CAMTA1: variants seen among roughly 807,000 people sequenced by gnomAD.
CAMTA1 encodes calmodulin-binding transcription activator 1.
Under a neutral mutation model 170.9 loss-of-function variants are expected in CAMTA1, and 27 were observed. That is an observed-to-expected ratio of 0.16 (90% CI 0.12 to 0.22). CAMTA1 has a LOEUF of 0.22. CAMTA1 is among the 10% of genes least tolerant of loss of function. The pLI is 1.00. For missense variants in CAMTA1, 1,619 were observed against 2,217.2 expected, an observed-to-expected ratio of 0.73 and a Z score of 5.42; for synonymous variants, 833 against 891.5, an observed-to-expected ratio of 0.93 and a Z score of 1.17.
chr1:7,602,066 C>G (rs1447473608), intron 6 of CAMTA1, among the ~76,000 whole-genome samples: 1 of 134,168 alleles, frequency 7.5e-6, no homozygotes, highest in Admixed American at 7.1e-5. Flanking sequence ...AGAGGAGGAG[C>G]CTTTCCAATT....
At chr1:6,787,824 T>C (rs1431361274) in intron 1 of CAMTA1, among the ~76,000 whole-genome samples, 1 of 152,218 alleles carries the variant, frequency 6.6e-6, no homozygotes, top group Non-Finnish European at 1.5e-5. Flanking sequence ...GTGGTATTCG[T>C]TGCTTGATTC....
intron 11 of CAMTA1, among the ~76,000 whole-genome samples, chr1:7,725,214 T>C (rs1465388662): frequency 6.6e-6 from 1 of 152,212 alleles, no homozygotes; most frequent in African/African-American, 2.4e-5. Context: ...TGAAGGTGAA[T>C]GTATCCTTCC....
At chr1:7,079,579 C>G (rs1639748129) in intron 3 of CAMTA1, among the ~76,000 whole-genome samples, 2 of 152,058 alleles carry the variant, frequency 1.3e-5, no homozygotes, top group African/African-American at 4.8e-5. Context: ...TCAAGCGATT[C>G]TTGTGCCTCA....
At chr1:7,594,241 G>GGAAGGA (rs1553214864) in intron 6 of CAMTA1, among the ~76,000 whole-genome samples, 1 of 145,498 alleles carries the variant, frequency 6.9e-6, no homozygotes, top group Non-Finnish European at 1.5e-5. Context: ...AAGGAAGGAA[G>GGAAGGA]AAAGAAAAGA....
At chr1:7,595,954 G>A (rs1482708463) in intron 6 of CAMTA1, among the ~76,000 whole-genome samples, 1 of 152,180 alleles carries the variant, frequency 6.6e-6, no homozygotes, top group African/African-American at 2.4e-5. Flanking sequence ...ATGAGATTAG[G>A]GGCCTGACAC....
intron 1 of CAMTA1, among the ~76,000 whole-genome samples, chr1:6,803,026 G>C (rs1454490279): frequency 6.6e-6 from 1 of 152,232 alleles, no homozygotes; most frequent in African/African-American, 2.4e-5. Context: ...TGGGATTACA[G>C]GCGTGAGCCA....
intron 6 of CAMTA1, among the ~76,000 whole-genome samples, chr1:7,522,276 A>G (rs1281711045): frequency 2.0e-5 from 3 of 152,218 alleles, no homozygotes; most frequent in South Asian, 4.1e-4. Flanking sequence ...AGGTGCTTAC[A>G]TGCCATCTGT....
At chr1:7,452,677 A>G (rs1725252) in intron 5 of CAMTA1, among the ~76,000 whole-genome samples, 94,105 of 152,024 alleles carry the variant, frequency 0.62, 29,375 homozygotes, top group East Asian at 0.79. Context: ...AGGTTCATCC[A>G]TGTTGTGGCG....
At chr1:6,983,616 T>C (rs982627535) in intron 3 of CAMTA1, among the ~76,000 whole-genome samples, 6 of 152,246 alleles carry the variant, frequency 3.9e-5, no homozygotes, top group Non-Finnish European at 7.3e-5. Context: ...CTATAACTAA[T>C]TTGTTTACTT....
chr1:7,328,165 C>A (rs538382905), intron 5 of CAMTA1, among the ~76,000 whole-genome samples: 1 of 152,278 alleles, frequency 6.6e-6, no homozygotes, highest in East Asian at 1.9e-4. Context: ...GGGCTTCCTT[C>A]TCGAATTTGG....
intron 3 of CAMTA1, among the ~76,000 whole-genome samples, chr1:6,996,763 T>C (rs1313266116): frequency 1.3e-5 from 2 of 152,186 alleles, no homozygotes; most frequent in African/African-American, 4.8e-5. Context: ...TTCCCTTCTT[T>C]CTACTGTCCA....
At chr1:6,896,912 G>C (rs1412988564) in intron 3 of CAMTA1, among the ~76,000 whole-genome samples, 2 of 152,162 alleles carry the variant, frequency 1.3e-5, no homozygotes, top group African/African-American at 4.8e-5. Flanking sequence ...CTTTATCAGG[G>C]CATTATTACA....
intron 10 of CAMTA1, 106 bp from the exon 11 acceptor site, chr1:7,677,493 T>C: frequency 7.9e-7 from 1 of 1,272,216 alleles, no homozygotes; most frequent in African/African-American, 1.5e-5. Flanking sequence ...AGCTGGACAT[T>C]AACCAATGAA....
chr1:7,435,221 G>A lies in CAMTA1; in HGVS notation c.439-32609G>A, dbSNP rs1431491183. Among the ~76,000 whole-genome samples, 1 of 152,146 alleles carries A rather than the reference G, an allele frequency of 6.6e-6. No homozygotes were observed. Among genetic ancestry groups the A allele is most frequent in the Non-Finnish European group, 1.5e-5 (1 of 68,028 alleles). ...ATCACATTGGCAACAGCTGCATTTT[G>A]GAGGGGGTGCATTCAAACCACAGCA... On this transcript the variant is annotated intron_variant, in intron 5 of 22. Coordinates refer to ENST00000303635, the MANE Select transcript of CAMTA1 (RefSeq NM_015215.4). The surrounding 1 kb of genome is among the most constrained non-coding windows in gnomAD (Gnocchi z 4.4).
chr1:7,109,273 T>C (rs376307042), intron 4 of CAMTA1, among the ~76,000 whole-genome samples: 5 of 152,300 alleles, frequency 3.3e-5, no homozygotes, highest in East Asian at 3.9e-4. Context: ...GCAGGAGTCA[T>C]TGGGGGCTCC....
Position 7,176,428 on chromosome 1 carries a change from C to T in CAMTA1, c.303-73063C>T, listed in dbSNP as rs1438581700. 2.0e-5 allele frequency among the ~76,000 whole-genome samples: 3 copies of T among 152,276 alleles called. No homozygotes were observed. The East Asian group carries it at 5.8e-4, about 29-fold the overall frequency. ...TTTGGTGTCTGTACAGAGGGAGGGACCTTTTCCAAGGGAACAATGCCTTTA... is the reference window on the plus strand; with the variant it reads ...TTTGGTGTCTGTACAGAGGGAGGGATCTTTTCCAAGGGAACAATGCCTTTA... On this transcript the variant is annotated intron_variant, in intron 4 of 22. Transcript: ENST00000303635.
chr1:7,197,695 A>G (rs1228678251), intron 4 of CAMTA1, among the ~76,000 whole-genome samples: 1 of 145,936 alleles, frequency 6.9e-6, no homozygotes. Flanking sequence ...TTGCTTATTT[A>G]TCTGCTCATT....
Position 7,641,288 on chromosome 1 carries a change from T to A in CAMTA1, c.664+735T>A, listed in dbSNP as rs192797413. 2.6e-5 allele frequency among the ~76,000 whole-genome samples: 4 copies of A among 152,234 alleles called. No individual in the cohort carries two copies. In the East Asian group the frequency reaches 7.7e-4, roughly 29 times the overall value. On this transcript the variant is annotated intron_variant, in intron 7 of 22. Coordinates refer to ENST00000303635, the MANE Select transcript of CAMTA1 (RefSeq NM_015215.4). This position sits in a 1 kb window ranked among gnomAD's most constrained non-coding sequence, Gnocchi z 4.5. The stretch of plus-strand genomic sequence containing the variant: ...CAAGAAGAGCATGGGGGCTGTTTAG[T>A]GGTGGACACGTAGCCCACGGGGTTC...
chr1:7,419,938 A>C (rs1414867204), intron 5 of CAMTA1, among the ~76,000 whole-genome samples: 1 of 151,478 alleles, frequency 6.6e-6, no homozygotes, highest in African/African-American at 2.4e-5. Context: ...GGACCACTCC[A>C]CCATCCCGCC....
Sources: gnomAD v4.1 joint callset for allele counts (sites outside exome capture counted in the v4.1 genomes callset) on GRCh38, gnomAD v4.1.1 for gene constraint, Gnocchi (gnomAD v3.1) non-coding constraint, MANE v1.5 for transcripts, NCBI Gene and HGNC (gene_info 2026-07-23, HGNC 2026-07-21) for gene names.